TRIM67: variants seen among roughly 807,000 people sequenced by gnomAD.
TRIM67 encodes the protein tripartite motif containing 67.
Under a neutral mutation model 71.0 loss-of-function variants are expected in TRIM67, and 39 were observed. That is an observed-to-expected ratio of 0.55 (90% CI 0.43 to 0.72). The LOEUF is 0.72. TRIM67 is among the 30% of genes least tolerant of loss of function. TRIM67 has a pLI of 0.00. For synonymous variants in TRIM67, 481 were observed against 473.9 expected (o/e 1.01, Z -0.19); for missense variants, 973 against 1,079.2 (o/e 0.90, Z 1.38).
intron 1 of TRIM67, among the ~76,000 whole-genome samples, chr1:231,189,371 G>A (rs1683173131): frequency 1.3e-5 from 2 of 152,142 alleles, no homozygotes; most frequent in Non-Finnish European, 2.9e-5. Flanking sequence ...TGTGATAAAT[G>A]TGATGAAGTT....
chr1:231,215,303 C>T (rs375178757), intron 9 of TRIM67, 72 bp from the exon 10 acceptor site: 80 of 1,551,998 alleles, frequency 5.2e-5, no homozygotes, highest in African/African-American at 4.3e-4. Context: ...CCGGTGTCTG[C>T]GGTGCTGTCA....
chr1:231,185,161 A>AGCCT (rs1351007514), intron 1 of TRIM67: 1 of 1,532,808 alleles, frequency 6.5e-7, no homozygotes, highest in Non-Finnish European at 8.7e-7. Context: ...CCAGCCAGCC[A>AGCCT]GCCTGTACTC....
Position 231,206,751 on chromosome 1 carries a change from G to T in TRIM67, c.1780G>T (p.Gly594Trp). ...RVKAFNSSGVGPYSKTVVLQT... is the reference protein window; with the variant it reads ...RVKAFNSSGVWPYSKTVVLQT... ...CAAAGCTTTCAACTCTTCTGGTGTC[G>T]GGCCTTACAGTAAAACTGTCGTCCT... The change falls in exon 7 of 10, where the codon GGG (glycine) becomes TGG (tryptophan). Residue 594 changes from glycine (G) to tryptophan (W), a missense_variant. Physicochemically the swap from Gly to Trp is radical, Grantham distance 184. Transcript: ENST00000366653. The T allele has an allele frequency of 1.9e-6, 3 of 1,610,428 alleles. No homozygotes were observed.
chr1:231,193,500 CAA>C (rs1683286860), intron 1 of TRIM67, among the ~76,000 whole-genome samples: 1 of 141,092 alleles, frequency 7.1e-6, no homozygotes, highest in African/African-American at 2.7e-5. Context: ...AACTCTCTCT[CAA>C]GCTCTCTCTC....
chr1:231,208,009 C>CTT (rs796809572), intron 7 of TRIM67, among the ~76,000 whole-genome samples: 49 of 132,100 alleles, frequency 3.7e-4, no homozygotes, highest in African/African-American at 1.3e-3. Context: ...TCCTCCTGTA[C>CTT]TTTTTTTTTT....
intron 1 of TRIM67, among the ~76,000 whole-genome samples, chr1:231,183,059 G>C (rs1038017286): frequency 4.6e-5 from 7 of 152,198 alleles, no homozygotes; most frequent in African/African-American, 1.4e-4. Flanking sequence ...GGAGCTCGTG[G>C]GGAACTCCTA....
chr1:231,202,108 A>ATGAAGT (rs1683551718), intron 5 of TRIM67, among the ~76,000 whole-genome samples: 1 of 46,080 alleles, frequency 2.2e-5, no homozygotes, highest in Non-Finnish European at 5.7e-5. Context: ...GAGGAGGAGG[A>ATGAAGT]GGAGGTAATG....
intron 5 of TRIM67, among the ~76,000 whole-genome samples, chr1:231,202,065 A>AGGAGG (rs1553327037): frequency 4.1e-4 from 2 of 4,842 alleles, no homozygotes; most frequent in African/African-American, 1.1e-3. Context: ...GGAGGAGGAG[A>AGGAGG]TGGAGGAGGA....
Position 231,219,122 on chromosome 1 carries a change from G to T in TRIM67, c.*3682G>T. 7 of 985,410 alleles carry T rather than the reference G, an allele frequency of 7.1e-6. No homozygotes were observed. The highest frequency in any genetic ancestry group is 8.4e-6 in the Non-Finnish European group (7 of 829,992). The allele number at this position is 985,410 out of a possible 1,614,324, so 61.0% of individuals were successfully genotyped here. ...TAGTGAGGGAGGGTCAATCCTTAGGGGGAGTCAACATGTGAATGCTAAAGA... is the reference window on the plus strand; with the variant it reads ...TAGTGAGGGAGGGTCAATCCTTAGGTGGAGTCAACATGTGAATGCTAAAGA... On this transcript the variant is annotated 3_prime_UTR_variant, in exon 10 of 10. Coordinates refer to ENST00000366653, the MANE Select transcript of TRIM67 (RefSeq NM_001004342.5).
At chr1:231,207,564 A>G (rs1463202694) in intron 7 of TRIM67, among the ~76,000 whole-genome samples, 1 of 152,194 alleles carries the variant, frequency 6.6e-6, no homozygotes, top group Admixed American at 6.5e-5. Flanking sequence ...GCCTCCAAGA[A>G]GAGGGCAAAT....
In TRIM67 at chr1:231,218,253, T is replaced by G; in HGVS notation, c.*2813T>G. On this transcript the variant is annotated 3_prime_UTR_variant, in exon 10 of 10. Coordinates refer to ENST00000366653, the MANE Select transcript of TRIM67 (RefSeq NM_001004342.5). ...CCATCGAATTCCATAACACGTTACA[T>G]CATGGTGGCACATTTGTACATACAT... is the stretch of plus-strand genomic sequence containing the variant. The G allele has an allele frequency of 2.0e-6, 2 of 998,086 alleles. No individual in the cohort carries two copies. The highest frequency in any genetic ancestry group is 2.4e-6 in the Non-Finnish European group (2 of 837,532). 61.8% of individuals were successfully genotyped at this position (998,086 alleles called of 1,614,324 possible).
intron 1 of TRIM67, among the ~76,000 whole-genome samples, chr1:231,167,805 C>T (rs904043207): frequency 1.2e-4 from 18 of 152,134 alleles, no homozygotes; most frequent in African/African-American, 3.9e-4. Context: ...TCTCAGCCTG[C>T]TGTCTTACCT....
chr1:231,210,539 A>G (rs1683838870), intron 8 of TRIM67, among the ~76,000 whole-genome samples: 1 of 151,126 alleles, frequency 6.6e-6, no homozygotes, highest in Non-Finnish European at 1.5e-5. Flanking sequence ...TCCCACCCAC[A>G]GAGGGGCCAA....
intron 1 of TRIM67, chr1:231,184,723 G>A (rs1218009648): frequency 4.4e-6 from 2 of 456,938 alleles, no homozygotes; most frequent in Non-Finnish European, 3.9e-6. Context: ...AGCTGTCGGG[G>A]AAGCTCTCTC....
intron 1 of TRIM67, among the ~76,000 whole-genome samples, chr1:231,178,157 G>T (rs1372016840): frequency 6.6e-6 from 1 of 152,174 alleles, no homozygotes; most frequent in Non-Finnish European, 1.5e-5. Context: ...ACAGTCAGCT[G>T]AGCTTGTGAC....
At chr1:231,214,255 G>A (rs1004486929) in intron 9 of TRIM67, among the ~76,000 whole-genome samples, 2 of 152,178 alleles carry the variant, frequency 1.3e-5, no homozygotes, top group Non-Finnish European at 2.9e-5. Context: ...CAGGAGGCCT[G>A]AAACAGAGAG....
In TRIM67 at chr1:231,219,726, T is replaced by C. The variant is rs1250820336; in HGVS notation, c.*4286T>C. The C allele has an allele frequency of 1.0e-5, 12 of 1,190,758 alleles. No homozygotes were observed. The highest frequency in any genetic ancestry group is 8.0e-5 in the African/African-American group (5 of 62,528). 73.8% of individuals were successfully genotyped at this position (1,190,758 alleles called of 1,614,324 possible). On this transcript the variant is annotated 3_prime_UTR_variant, in exon 10 of 10. Transcript: ENST00000366653. ...TTTTAAAAAAATCTAACAGATCTTA[T>C]TGGCAAATATTCAAGATGGTGATGC... is the stretch of plus-strand genomic sequence containing the variant.
chr1:231,216,371 A>G lies in TRIM67; in HGVS notation c.*931A>G. The G allele has an allele frequency of 1.0e-6, 1 of 985,476 alleles. No individual in the cohort carries two copies. Among genetic ancestry groups the G allele is most frequent in the Non-Finnish European group, 1.2e-6 (1 of 829,936 alleles). The allele number at this position is 985,476 out of a possible 1,614,324, so 61.0% of individuals were successfully genotyped here. On this transcript the variant is annotated 3_prime_UTR_variant, in exon 10 of 10. Coordinates refer to ENST00000366653, the MANE Select transcript of TRIM67 (RefSeq NM_001004342.5). ...GTTCTTAAATCCACGTGAAAACACAAGAATTTTAACAACTATGTCATAGGT... is the reference window on the plus strand; with the variant it reads ...GTTCTTAAATCCACGTGAAAACACAGGAATTTTAACAACTATGTCATAGGT...
chr1:231,203,796 G>A (rs893826630), intron 5 of TRIM67, 71 bp from the exon 6 acceptor site: 51 of 1,540,430 alleles, frequency 3.3e-5, no homozygotes, highest in Middle Eastern at 2.3e-4. Flanking sequence ...CCTGGGATGG[G>A]GTGGGGTGGG....
Sources: allele counts gnomAD v4.1 joint callset (sites outside exome capture counted in the v4.1 genomes callset), GRCh38; gene constraint gnomAD v4.1.1; transcripts MANE v1.5; gene names NCBI Gene and HGNC (gene_info 2026-07-23, HGNC 2026-07-21).